The following PCDH9 variants were observed in gnomAD, a reference collection of about 807,000 sequenced individuals.
PCDH9 encodes the protein protocadherin 9, also known as protocadherin-9.
PCDH9 carries 24 observed loss-of-function variants against 70.6 expected under a neutral mutation model. The observed-to-expected ratio is 0.34, with a 90% CI of 0.25 to 0.48. The LOEUF (loss-of-function observed/expected upper bound fraction) is 0.48. PCDH9 is among the 20% of genes least tolerant of loss of function. The pLI, the probability that PCDH9 is intolerant of heterozygous loss-of-function variation, is 0.99. For synonymous variants in PCDH9, 562 were observed against 558.5 expected (o/e 1.01, Z -0.09); for missense variants, 1,281 against 1,503.6 (o/e 0.85, Z 2.45).
intron 2 of PCDH9, chr13:67,207,840 G>A (rs1471878802): frequency 2.0e-5 from 3 of 152,084 alleles, no homozygotes; most frequent in Non-Finnish European, 4.4e-5. Flanking sequence ...TTAATGAATT[G>A]ATTACTTTTT....
intron 4 of PCDH9, among the ~76,000 whole-genome samples, chr13:66,600,235 T>G (rs1380829521): frequency 1.3e-5 from 2 of 151,944 alleles, no homozygotes; most frequent in African/African-American, 4.8e-5. Flanking sequence ...ATTTGAATTC[T>G]GTAATATTCA....
At chr13:66,456,936 A>C (rs1958328816) in intron 4 of PCDH9, among the ~76,000 whole-genome samples, 1 of 152,116 alleles carries the variant, frequency 6.6e-6, no homozygotes, top group Non-Finnish European at 1.5e-5. Flanking sequence ...AAGGATGTAA[A>C]ATATAATAAC....
At chr13:66,722,812 A>T (rs1283660605) in intron 3 of PCDH9, among the ~76,000 whole-genome samples, 1 of 152,018 alleles carries the variant, frequency 6.6e-6, no homozygotes, top group Non-Finnish European at 1.5e-5. Context: ...TACTAAAAAT[A>T]CAAAAGTTAG....
At chr13:66,923,708 T>A (rs2082674068) in intron 2 of PCDH9, among the ~76,000 whole-genome samples, 1 of 151,666 alleles carries the variant, frequency 6.6e-6, no homozygotes. Flanking sequence ...AGCCAATTGG[T>A]TAAAAAGCCC....
At chr13:66,471,052 G>C (rs1291362586) in intron 4 of PCDH9, among the ~76,000 whole-genome samples, 1 of 151,772 alleles carries the variant, frequency 6.6e-6, no homozygotes. Flanking sequence ...CTTCTACTGA[G>C]CACCTGGGGG....
intron 4 of PCDH9, among the ~76,000 whole-genome samples, chr13:66,541,009 G>A (rs1286987395): frequency 6.6e-6 from 1 of 152,122 alleles, no homozygotes; most frequent in Non-Finnish European, 1.5e-5. Flanking sequence ...TCTTAGGAAA[G>A]CAGACTGGAT....
intron 2 of PCDH9, among the ~76,000 whole-genome samples, chr13:67,192,963 G>A (rs1251458740): frequency 6.6e-6 from 1 of 152,074 alleles, no homozygotes; most frequent in African/African-American, 2.4e-5. Context: ...CAATTCTGTT[G>A]GCAAGCACCT....
chr13:66,978,420 C>A (rs1360941104), intron 2 of PCDH9: 1 of 151,810 alleles, frequency 6.6e-6, no homozygotes, highest in Non-Finnish European at 1.5e-5. Flanking sequence ...TGCATGACTG[C>A]AAGAAAAATA....
At chr13:66,475,179 T>G (rs78259726) in intron 4 of PCDH9, among the ~76,000 whole-genome samples, 1 of 152,026 alleles carries the variant, frequency 6.6e-6, no homozygotes, top group Non-Finnish European at 1.5e-5. Context: ...AGGAAAGCAT[T>G]TGTTGTTGGT....
chr13:67,192,101 T>G (rs2088931790), intron 2 of PCDH9, among the ~76,000 whole-genome samples: 1 of 152,032 alleles, frequency 6.6e-6, no homozygotes, highest in African/African-American at 2.4e-5. Flanking sequence ...TGCTGGAAGA[T>G]GTAGAAAGAG....
rs550054032 is a variant in PCDH9 at position 66,962,467 on chromosome 13, G to C, written c.3037-58862C>G. On this transcript the variant is annotated intron_variant, in intron 2 of 4. Transcript: ENST00000377865. The stretch of plus-strand genomic sequence containing the variant: ...TGTCATTGGGCAATTTTGTCATTGT[G>C]GGAACATCACAGAGTGCACAGACAC... 5.3e-5 allele frequency among the ~76,000 whole-genome samples: 8 copies of C among 152,268 alleles called. No homozygotes were observed. The South Asian group carries it at 1.7e-3, about 32-fold the overall frequency.
intron 3 of PCDH9, among the ~76,000 whole-genome samples, chr13:66,756,389 A>G (rs1163458593): frequency 1.3e-5 from 2 of 152,194 alleles, no homozygotes; most frequent in African/African-American, 2.4e-5. Context: ...TGAAAATGTA[A>G]ATAGTTTAAA....
At chr13:66,881,471 A>C (rs907012526) in intron 3 of PCDH9, among the ~76,000 whole-genome samples, 2 of 152,018 alleles carry the variant, frequency 1.3e-5, no homozygotes, top group Non-Finnish European at 2.9e-5. Context: ...CACAGGAAAG[A>C]CTCACCCTCA....
At chr13:66,386,950 T>A (rs1956939350) in intron 4 of PCDH9, among the ~76,000 whole-genome samples, 1 of 152,222 alleles carries the variant, frequency 6.6e-6, no homozygotes, top group South Asian at 2.1e-4. Context: ...AAGGTTTTTA[T>A]GTTCTACCAA....
chr13:66,501,385 T>C (rs2138560304), intron 4 of PCDH9, among the ~76,000 whole-genome samples: 1 of 152,268 alleles, frequency 6.6e-6, no homozygotes, highest in East Asian at 1.9e-4. Flanking sequence ...AACATTTTGC[T>C]GACTCTCAAA....
At chr13:66,454,744 A>G (rs561377185) in intron 4 of PCDH9, among the ~76,000 whole-genome samples, 23 of 152,288 alleles carry the variant, frequency 1.5e-4, no homozygotes, top group African/African-American at 4.8e-4. Context: ...TAGGGAATGC[A>G]AATTTTAAGA....
intron 3 of PCDH9, among the ~76,000 whole-genome samples, chr13:66,783,584 AT>A (rs1372547088): frequency 1.3e-5 from 2 of 152,222 alleles, no homozygotes; most frequent in African/African-American, 2.4e-5. Flanking sequence ...TTTATAAAAA[AT>A]ATGTATACAT....
chr13:66,360,056 T>C (rs939027189), intron 4 of PCDH9, among the ~76,000 whole-genome samples: 4 of 152,054 alleles, frequency 2.6e-5, no homozygotes, highest in African/African-American at 7.2e-5. Context: ...ATTTGGTCTA[T>C]GTGGGAGATG....
At chr13:66,818,934 C>CAAAAAAA (rs111342744) in intron 3 of PCDH9, among the ~76,000 whole-genome samples, 1 of 64,382 alleles carries the variant, frequency 1.6e-5, no homozygotes, top group African/African-American at 5.8e-5. Context: ...ACTCCCGTCT[C>CAAAAAAA]AAAAAAAAAC....
Sources: allele counts gnomAD v4.1 joint callset (sites outside exome capture counted in the v4.1 genomes callset), GRCh38; gene constraint gnomAD v4.1.1; transcripts MANE v1.5; gene names NCBI Gene and HGNC (gene_info 2026-07-23, HGNC 2026-07-21).